Variants in PI4KA observed in about 807,000 individuals in gnomAD.
PI4KA encodes phosphatidylinositol 4-kinase alpha.
In PI4KA, 122 loss-of-function variants were observed where a neutral mutation model predicts 271.4. That is an observed-to-expected ratio of 0.45 (90% CI 0.39 to 0.52). PI4KA has a LOEUF of 0.52. Ranked by LOEUF, PI4KA falls within the 20% of genes least tolerant of loss-of-function variation. The pLI is 0.00. For missense variants in PI4KA, 1,969 were observed against 2,769.1 expected (o/e 0.71, Z 6.48); for synonymous variants, 1,041 against 1,078.8 (o/e 0.96, Z 0.69).
At chr22:20,842,830 G>T (rs1925728792) in intron 1 of PI4KA, among the ~76,000 whole-genome samples, 1 of 141,466 alleles carries the variant, frequency 7.1e-6, no homozygotes, top group Admixed American at 7.1e-5. Context: ...AAAAAAAAAG[G>T]CCGGGCGCAG....
chr22:20,712,019 A>G (rs1051007863), intron 50 of PI4KA, among the ~76,000 whole-genome samples: 4 of 149,688 alleles, frequency 2.7e-5, no homozygotes, highest in Non-Finnish European at 5.9e-5. Context: ...CTGGCATTAC[A>G]GGCGTGAGCA....
chr22:20,750,023 A>C, intron 27 of PI4KA, 29 bp from the exon 28 acceptor site: 1 of 1,488,176 alleles, frequency 6.7e-7, no homozygotes, highest in Non-Finnish European at 9.4e-7. Flanking sequence ...GCTTCTCAAC[A>C]ACCCGAGGTC....
At chr22:20,803,034 G>A (rs894147784) in intron 13 of PI4KA, among the ~76,000 whole-genome samples, 157 bp downstream of exon 13, 1 of 152,140 alleles carries the variant, frequency 6.6e-6, no homozygotes, top group African/African-American at 2.4e-5. Flanking sequence ...GGCCGGGGAA[G>A]AAAGGCCTGG....
intron 19 of PI4KA, among the ~76,000 whole-genome samples, chr22:20,789,801 T>C (rs1232386575): frequency 6.6e-6 from 1 of 152,190 alleles, no homozygotes; most frequent in Non-Finnish European, 1.5e-5. Flanking sequence ...GTAATAAGGA[T>C]TTCCATGGAC....
At chr22:20,795,784 T>G (rs1488484900) in intron 18 of PI4KA, among the ~76,000 whole-genome samples, 1 of 152,132 alleles carries the variant, frequency 6.6e-6, no homozygotes, top group Non-Finnish European at 1.5e-5. Flanking sequence ...CACTGTGTTC[T>G]GATGATGGGC....
chr22:20,843,524 G>T (rs906598201), intron 1 of PI4KA, among the ~76,000 whole-genome samples: 4 of 152,120 alleles, frequency 2.6e-5, no homozygotes, highest in Admixed American at 2.6e-4. Flanking sequence ...AAAAAGAAAA[G>T]AAATACAGAA....
At chr22:20,774,510 C>T (rs1933089202) in intron 19 of PI4KA, among the ~76,000 whole-genome samples, 1 of 152,166 alleles carries the variant, frequency 6.6e-6, no homozygotes, top group Non-Finnish European at 1.5e-5. Context: ...CGCCTGTAAT[C>T]CCAACACTTT....
At chr22:20,780,115 A>G (rs1432986745) in intron 19 of PI4KA, 12 of 1,614,094 alleles carry the variant, frequency 7.4e-6, no homozygotes, top group South Asian at 1.1e-5. Context: ...CACATCATGA[A>G]GCTCACCAAG....
intron 3 of PI4KA, 108 bp from the exon 4 acceptor site, chr22:20,824,522 C>T: frequency 1.5e-6 from 1 of 689,582 alleles, no homozygotes; most frequent in South Asian, 1.9e-5. Context: ...GCCAAGGGAC[C>T]AGTTTACAGC....
At chr22:20,736,903 A>G (rs946742516) in intron 32 of PI4KA, 5 of 153,400 alleles carry the variant, frequency 3.3e-5, no homozygotes, top group African/African-American at 1.2e-4. Flanking sequence ...ATCTACAGTA[A>G]AGGGAGGGGC....
chr22:20,843,864 T>G (rs1925909030), intron 1 of PI4KA, among the ~76,000 whole-genome samples: 2 of 152,188 alleles, frequency 1.3e-5, no homozygotes, highest in Non-Finnish European at 2.9e-5. Flanking sequence ...GAACACTCAG[T>G]GCACACTCCC....
rs1457742326 is a variant in PI4KA, at chr22:20,753,138, T to G, written c.2834A>C (p.Asp945Ala). 1 of 1,613,716 alleles carries G rather than the reference T, an allele frequency of 6.2e-7. No homozygotes were observed. The highest frequency in any genetic ancestry group is 8.5e-7 in the Non-Finnish European group (1 of 1,180,034). The change falls in exon 24 of 55, where the codon GAT becomes GCT. Residue 945 changes from aspartate (D) to alanine (A), a missense_variant. Asp to Ala is a moderately radical substitution (Grantham distance 126). Around this residue, in one of 13 missense-constraint regions of PI4KA, gnomAD observed 368 missense variants for 544.3 expected, o/e 0.68. Coordinates refer to ENST00000255882, the MANE Select transcript of PI4KA (RefSeq NM_058004.4). ...CVIAVADKVF[D>A]AFLNMMADKA... Reference sequence around the variant, plus strand: ...ATCCGCCATCATGTTCAGGAAGGCATCGAATACTTTGTCCGCGACTGCAAT... The same window carrying G: ...ATCCGCCATCATGTTCAGGAAGGCAGCGAATACTTTGTCCGCGACTGCAAT...
chr22:20,833,683 C>T (rs1226606993), intron 3 of PI4KA, among the ~76,000 whole-genome samples: 9 of 122,678 alleles, frequency 7.3e-5, no homozygotes, highest in South Asian at 2.7e-4. Flanking sequence ...TTTTTTGAGA[C>T]GGAGTCTCGT....
Position 20,820,559 on chromosome 22 carries a change from G to A in PI4KA, c.509C>T (p.Ala170Val). Residue 170 changes from alanine (A) to valine (V), a missense_variant, in exon 5 of 55, where the codon GCC (alanine) becomes GTC (valine). Ala to Val is a moderately conservative substitution (Grantham distance 64). This residue lies in a region of PI4KA where 540 missense variants were observed against 555.5 expected (regional missense o/e 0.97). Coordinates refer to ENST00000255882, the MANE Select transcript of PI4KA (RefSeq NM_058004.4). ...CGTACCTTTGTCTTGAATCTCCAAG[G>A]CCTGGCACATCCCCAAGAGGACATG... ...VLHVLLGMCQ[A>V]LEIQDKEYLC... is the part of the protein sequence containing the mutation. 3 of 1,609,346 alleles carry A rather than the reference G, an allele frequency of 1.9e-6. No homozygotes were observed. Among genetic ancestry groups the A allele is most frequent in the South Asian group, 1.1e-5 (1 of 90,382 alleles).
intron 38 of PI4KA, 29 bp downstream of exon 38, chr22:20,729,603 G>A (rs758060584): frequency 7.8e-5 from 122 of 1,555,946 alleles, no homozygotes; most frequent in South Asian, 1.2e-5. Context: ...GTGGCGGGCA[G>A]CAGGCACAGC....
chr22:20,831,593 AAAC>A (rs1290036780), intron 3 of PI4KA, among the ~76,000 whole-genome samples: 2 of 111,908 alleles, frequency 1.8e-5, no homozygotes, highest in Non-Finnish European at 3.7e-5. Context: ...ACAAAAACAA[AAAC>A]AAAAACAAAA....
intron 32 of PI4KA, among the ~76,000 whole-genome samples, chr22:20,741,166 A>G (rs1452840452): frequency 6.6e-6 from 1 of 152,248 alleles, no homozygotes; most frequent in Non-Finnish European, 1.5e-5. Context: ...TGGGTGTCAT[A>G]ATGGCAGTGG....
chr22:20,724,624 A>T (rs555701854), intron 42 of PI4KA, among the ~76,000 whole-genome samples: 3 of 151,744 alleles, frequency 2.0e-5, no homozygotes, highest in Admixed American at 6.6e-5. Flanking sequence ...CAAAACGAAC[A>T]AAAAAAAATT....
intron 2 of PI4KA, 90 bp downstream of exon 2, chr22:20,838,525 T>C (rs1052686885): frequency 1.4e-5 from 11 of 762,824 alleles, no homozygotes; most frequent in Non-Finnish European, 2.5e-5. Flanking sequence ...CTTCTACTAT[T>C]GCTTTAGGTA....
Sources: allele counts gnomAD v4.1 joint callset (sites outside exome capture counted in the v4.1 genomes callset), GRCh38; gene constraint gnomAD v4.1.1; regional missense constraint gnomAD v4.1.1; transcripts MANE v1.5; gene names NCBI Gene and HGNC (gene_info 2026-07-23, HGNC 2026-07-21).